Variants in SAMD12 observed in about 807,000 individuals in gnomAD.
SAMD12 encodes the protein sterile alpha motif domain-containing protein 12.
A neutral mutation model predicts 15.0 loss-of-function variants in SAMD12; 9 were observed. The ratio of observed to expected loss-of-function variants is 0.60; its 90% confidence interval spans 0.36 to 1.05. The LOEUF is 1.05. SAMD12 is among the 50% of genes least tolerant of loss of function. The probability of loss-of-function intolerance (pLI) is 0.01; values close to 1 mark genes in which losing one functional copy is unlikely to be tolerated. For synonymous variants in SAMD12, 86 were observed against 90.1 expected, an observed-to-expected ratio of 0.96 and a Z score of 0.25; for missense variants, 230 against 234.2, an observed-to-expected ratio of 0.98 and a Z score of 0.12.
At chr8:118,330,592 T>A (rs919226938) in intron 4 of SAMD12, among the ~76,000 whole-genome samples, 7 of 152,166 alleles carry the variant, frequency 4.6e-5, no homozygotes, top group African/African-American at 1.7e-4. Flanking sequence ...GTTTAATGTA[T>A]CCTCAAAGTA....
chr8:118,539,707 G>T (rs1384724161), intron 2 of SAMD12, among the ~76,000 whole-genome samples: 1 of 152,100 alleles, frequency 6.6e-6, no homozygotes, highest in Non-Finnish European at 1.5e-5. Context: ...TTTAGAGTTG[G>T]GCATGAGGAA....
chr8:118,440,411 A>G (rs1822705343), intron 2 of SAMD12, among the ~76,000 whole-genome samples: 1 of 152,124 alleles, frequency 6.6e-6, no homozygotes, highest in Non-Finnish European at 1.5e-5. Context: ...TTTAGGAACG[A>G]ATGTTACTGG....
intron 3 of SAMD12, chr8:118,395,020 C>G (rs1007848619): frequency 6.6e-6 from 1 of 152,102 alleles, no homozygotes; most frequent in African/African-American, 2.4e-5. Flanking sequence ...CTTTAAGTCT[C>G]CGTTTTCCCA....
At chr8:118,528,210 T>G (rs536253377) in intron 2 of SAMD12, among the ~76,000 whole-genome samples, 5 of 152,096 alleles carry the variant, frequency 3.3e-5, no homozygotes, top group Non-Finnish European at 7.4e-5. Flanking sequence ...ATTTTTATTT[T>G]TAGTAGAGAT....
chr8:118,205,091 A>C (rs1288682477), intron 4 of SAMD12, among the ~76,000 whole-genome samples: 2 of 152,216 alleles, frequency 1.3e-5, no homozygotes, highest in Non-Finnish European at 2.9e-5. Flanking sequence ...AATCCATCGA[A>C]GGCCTAAAGA....
intron 3 of SAMD12, among the ~76,000 whole-genome samples, chr8:118,435,650 A>T (rs1822557806): frequency 6.6e-6 from 1 of 152,222 alleles, no homozygotes. Context: ...TTTTGTTTAG[A>T]ATTTAAAGTT....
At chr8:118,466,203 T>G (rs912759286) in intron 2 of SAMD12, among the ~76,000 whole-genome samples, 1 of 152,168 alleles carries the variant, frequency 6.6e-6, no homozygotes, top group African/African-American at 2.4e-5. Flanking sequence ...GCAGGTCCAA[T>G]AGCCTATAGA....
intron 2 of SAMD12, among the ~76,000 whole-genome samples, chr8:118,440,953 G>A (rs998996587): frequency 4.6e-5 from 7 of 152,062 alleles, no homozygotes; most frequent in African/African-American, 1.7e-4. Flanking sequence ...GCAGCTGTTT[G>A]AAGGCTCCTG....
chr8:118,309,257 C>T (rs1323809340), intron 4 of SAMD12, among the ~76,000 whole-genome samples: 2 of 152,128 alleles, frequency 1.3e-5, no homozygotes, highest in East Asian at 3.9e-4. Context: ...GTTTTCCATT[C>T]CTGAGTTACT....
At chr8:118,528,093 C>A (rs536920414) in intron 2 of SAMD12, among the ~76,000 whole-genome samples, 10 of 152,268 alleles carry the variant, frequency 6.6e-5, no homozygotes, top group Non-Finnish European at 1.5e-4. Context: ...GTGGCATGAT[C>A]TCAGCTCACT....
intron 2 of SAMD12, among the ~76,000 whole-genome samples, chr8:118,515,318 C>T (rs1481092155): frequency 6.6e-6 from 1 of 151,364 alleles, no homozygotes; most frequent in Non-Finnish European, 1.5e-5. Flanking sequence ...TTAGCACCTC[C>T]TCCTTCTCTT....
At chr8:118,564,291 A>C (rs1361758589) in intron 2 of SAMD12, among the ~76,000 whole-genome samples, 1 of 151,774 alleles carries the variant, frequency 6.6e-6, no homozygotes, top group East Asian at 1.9e-4. Context: ...CCAGCAACTG[A>C]GACCAGGTAC....
downstream of SAMD12, among the ~76,000 whole-genome samples, chr8:118,186,796 T>A (rs1476808696): frequency 1.3e-5 from 2 of 152,072 alleles, no homozygotes; most frequent in Non-Finnish European, 2.9e-5. Flanking sequence ...GGAAAAGGGT[T>A]GAGATTTAGA....
intron 4 of SAMD12, among the ~76,000 whole-genome samples, chr8:118,200,785 G>A (rs908120068): frequency 7.9e-5 from 12 of 152,204 alleles, no homozygotes; most frequent in Non-Finnish European, 1.3e-4. Context: ...AAGACACGTG[G>A]TGAAAGTAGG....
intron 3 of SAMD12, among the ~76,000 whole-genome samples, chr8:118,401,540 TC>T (rs1287768989): frequency 3.8e-5 from 4 of 106,286 alleles, no homozygotes; most frequent in Admixed American, 2.7e-4. Flanking sequence ...CCCTTCTTCT[TC>T]TTTTTTTTTT....
At chr8:118,584,758 T>C (rs1827389349) in intron 1 of SAMD12, among the ~76,000 whole-genome samples, 1 of 152,184 alleles carries the variant, frequency 6.6e-6, no homozygotes, top group Admixed American at 6.5e-5. Context: ...GAAGGCACCA[T>C]GTTTTTTTCA....
chr8:118,498,490 G>A (rs1004356626), intron 2 of SAMD12, among the ~76,000 whole-genome samples: 1 of 152,182 alleles, frequency 6.6e-6, no homozygotes, highest in African/African-American at 2.4e-5. Flanking sequence ...AAATCAGAAT[G>A]CGAAATCACT....
chr8:118,142,287 AT>A, the SAMD12 span, among the ~76,000 whole-genome samples: 2 of 152,222 alleles, frequency 1.3e-5, no homozygotes, highest in Admixed American at 1.3e-4. Context: ...CAATCTCAGC[AT>A]TAATCTAGCA....
intron 2 of SAMD12, among the ~76,000 whole-genome samples, chr8:118,449,578 G>A (rs909972209): frequency 6.6e-6 from 1 of 151,686 alleles, no homozygotes; most frequent in Non-Finnish European, 1.5e-5. Context: ...TTGGAAGGCC[G>A]AGGCAGGCAC....
Sources: gnomAD v4.1 joint callset for allele counts (sites outside exome capture counted in the v4.1 genomes callset) on GRCh38, gnomAD v4.1.1 for gene constraint, MANE v1.5 for transcripts, NCBI Gene and HGNC (gene_info 2026-07-23, HGNC 2026-07-21) for gene names.